SOX6: variants seen among roughly 807,000 people sequenced by gnomAD.
SOX6 encodes SRY-box transcription factor 6.
SOX6 carries 11 observed loss-of-function variants against 97.8 expected under a neutral mutation model. That is an observed-to-expected ratio of 0.11 (90% CI 0.07 to 0.19). The LOEUF (loss-of-function observed/expected upper bound fraction) is 0.19, where lower values mean the gene tolerates loss of function less well. SOX6 is among the 10% of genes least tolerant of loss of function. The pLI is 1.00. For synonymous variants in SOX6, 360 were observed against 371.4 expected (o/e 0.97, Z 0.35); for missense variants, 810 against 1,039.5 (o/e 0.78, Z 3.04).
intron 3 of SOX6, among the ~76,000 whole-genome samples, chr11:16,628,186 G>A (rs1309509783): frequency 5.9e-5 from 9 of 152,030 alleles, no homozygotes; most frequent in Admixed American, 2.6e-4. Flanking sequence ...ATGCTGTTTT[G>A]GTTACTGTAG....
chr11:16,428,453 T>C (rs571309735), intron 1 of SOX6, among the ~76,000 whole-genome samples: 139 of 152,304 alleles, frequency 9.1e-4, no homozygotes, highest in African/African-American at 3.3e-3. Context: ...GTTTTTATGG[T>C]TTTAGGTCTA....
chr11:16,332,594 A>G (rs1384439089), intron 2 of SOX6, among the ~76,000 whole-genome samples: 1 of 152,196 alleles, frequency 6.6e-6, no homozygotes, highest in Non-Finnish European at 1.5e-5. Context: ...CTAATGAAAT[A>G]TAAAGAAGAT....
At chr11:16,185,179 G>C (rs192795603) in intron 5 of SOX6, among the ~76,000 whole-genome samples, 2 of 152,256 alleles carry the variant, frequency 1.3e-5, no homozygotes, top group Admixed American at 1.3e-4. Flanking sequence ...TGGAAGCCAT[G>C]ATAAAGCTGC....
At chr11:16,216,091 A>G (rs972995288) in intron 4 of SOX6, among the ~76,000 whole-genome samples, 6 of 152,154 alleles carry the variant, frequency 3.9e-5, no homozygotes, top group Non-Finnish European at 5.9e-5. Flanking sequence ...CTCTTTTGGA[A>G]ATGGAGGACA....
rs17534719 is a variant in SOX6, at chr11:16,025,228, C to A, written c.1624-10178G>T. Among the ~76,000 whole-genome samples, 699 of 152,284 alleles carry A rather than the reference C, an allele frequency of 4.6e-3. 7 individuals carry two copies. The highest frequency in any genetic ancestry group is 0.014 in the Admixed American group (211 of 15,286). ...CAAATCCAGTTGTGTGGCAGCCTAA[C>A]TCCTACTTATATGTGGTTTCAACTT... On this transcript the variant is annotated intron_variant, in intron 12 of 15. Transcript: ENST00000683767.
At chr11:16,678,312 T>G (rs1847900326) in intron 3 of SOX6, among the ~76,000 whole-genome samples, 1 of 152,236 alleles carries the variant, frequency 6.6e-6, no homozygotes, top group Admixed American at 6.5e-5. Flanking sequence ...AGGGACTAAT[T>G]GAACAGCATT....
At chr11:16,440,065 C>T (rs73433558) in intron 1 of SOX6, among the ~76,000 whole-genome samples, 6,347 of 152,234 alleles carry the variant, frequency 0.042, 427 homozygotes, top group African/African-American at 0.14. Context: ...AAAAACATAA[C>T]CTCGAGGCTA....
chr11:15,995,817 T>C (rs537877535), intron 13 of SOX6, among the ~76,000 whole-genome samples: 6 of 152,280 alleles, frequency 3.9e-5, no homozygotes, highest in Non-Finnish European at 8.8e-5. Flanking sequence ...TAGTAGACTA[T>C]GCAACATCTT....
At chr11:16,456,661 A>G (rs1321374096) in intron 1 of SOX6, among the ~76,000 whole-genome samples, 1 of 152,120 alleles carries the variant, frequency 6.6e-6, no homozygotes, top group Non-Finnish European at 1.5e-5. Flanking sequence ...ATGTATGTCA[A>G]TGCAGTATCT....
chr11:16,153,797 C>A (rs908916518), intron 6 of SOX6, among the ~76,000 whole-genome samples: 15 of 151,946 alleles, frequency 9.9e-5, no homozygotes, highest in African/African-American at 2.9e-4. Flanking sequence ...AGCTTACACA[C>A]TATTGATAAA....
chr11:16,458,486 T>C (rs1174798830), intron 1 of SOX6, among the ~76,000 whole-genome samples: 7 of 152,000 alleles, frequency 4.6e-5, no homozygotes. Flanking sequence ...ACTTGGGAAA[T>C]AAGTAGTTCA....
intron 2 of SOX6, among the ~76,000 whole-genome samples, chr11:16,331,230 A>G (rs1856285581): frequency 6.6e-6 from 1 of 152,196 alleles, no homozygotes; most frequent in South Asian, 2.1e-4. Flanking sequence ...TGTGTTTTAC[A>G]TGAAAAGAAA....
intron 2 of SOX6, among the ~76,000 whole-genome samples, chr11:16,321,773 T>C (rs189033749): frequency 5.7e-4 from 87 of 152,188 alleles, no homozygotes; most frequent in African/African-American, 1.9e-3. Flanking sequence ...ATTGTAAAAA[T>C]AGGCAGTAAA....
chr11:16,524,784 C>T (rs934026939), intron 4 of SOX6, among the ~76,000 whole-genome samples: 1 of 152,198 alleles, frequency 6.6e-6, no homozygotes, highest in African/African-American at 2.4e-5. Context: ...TCAGCAAAGT[C>T]TCAGGATACA....
chr11:16,603,304 C>T (rs1202239518), intron 4 of SOX6, among the ~76,000 whole-genome samples: 2 of 152,160 alleles, frequency 1.3e-5, no homozygotes, highest in Non-Finnish European at 2.9e-5. Flanking sequence ...TAAAGCAGAC[C>T]TGACACTGGG....
chr11:16,588,026 A>G (rs1190382841), intron 4 of SOX6, among the ~76,000 whole-genome samples: 2 of 152,224 alleles, frequency 1.3e-5, no homozygotes, highest in African/African-American at 2.4e-5. Flanking sequence ...ACTCTCCAGG[A>G]GCACACTATG....
At chr11:16,401,018 G>C (rs1503440) in intron 1 of SOX6, among the ~76,000 whole-genome samples, 1 of 151,146 alleles carries the variant, frequency 6.6e-6, no homozygotes, top group Admixed American at 6.6e-5. Context: ...GCACAAATTT[G>C]CAGTCTTACA....
Position 16,032,906 on chromosome 11 carries a change from C to G in SOX6, c.1623+13608G>C, listed in dbSNP as rs147317937. On this transcript the variant is annotated intron_variant, in intron 12 of 15. Transcript: ENST00000683767. ...GAGGGCATTTCAAGTCTCTCCTCTT[C>G]TACAGAACTTTTTTTCCACCAAGGG... 1.4e-3 allele frequency among the ~76,000 whole-genome samples: 217 copies of G among 152,316 alleles called. 3 individuals are homozygous for G. The highest frequency in any genetic ancestry group is 5.1e-3 in the African/African-American group (210 of 41,574).
intron 3 of SOX6, among the ~76,000 whole-genome samples, chr11:16,259,254 C>T (rs1853797275): frequency 6.6e-6 from 1 of 151,130 alleles, no homozygotes; most frequent in African/African-American, 2.4e-5. Context: ...CCATTAAAAC[C>T]CTACAAAATA....
Sources: gnomAD v4.1 joint callset for allele counts (sites outside exome capture counted in the v4.1 genomes callset) on GRCh38, gnomAD v4.1.1 for gene constraint, MANE v1.5 for transcripts, NCBI Gene and HGNC (gene_info 2026-07-23, HGNC 2026-07-21) for gene names.